The following HAS2 variants were observed in gnomAD, a reference collection of about 807,000 sequenced individuals.
HAS2 encodes HA synthase 2.
In HAS2, 16 loss-of-function variants were observed where a neutral mutation model predicts 51.6. The ratio of observed to expected loss-of-function variants is 0.31; its 90% confidence interval spans 0.21 to 0.47. The LOEUF (loss-of-function observed/expected upper bound fraction) is 0.47. Ranked by LOEUF, HAS2 falls within the 20% of genes least tolerant of loss-of-function variation. The pLI is 1.00. For synonymous variants in HAS2, 228 were observed against 235.5 expected (o/e 0.97, Z 0.29); for missense variants, 361 against 662.6 (o/e 0.54, Z 5.00).
chr8:121,613,963 A>G lies in HAS2; in HGVS notation c.*146T>C, dbSNP rs1005688167. The G allele has an allele frequency of 8.4e-7, 1 of 1,185,674 alleles. No individual in the cohort carries two copies. Among genetic ancestry groups the G allele is most frequent in the African/African-American group, 1.5e-5 (1 of 65,160 alleles). 73.4% of individuals were successfully genotyped at this position (1,185,674 alleles called of 1,614,324 possible). The stretch of plus-strand genomic sequence containing the variant: ...TGTATTGTTTTACTTTGGCAGAATG[A>G]AAATAAACCCATATAAATGTCTTTG... On this transcript the variant is annotated 3_prime_UTR_variant, in exon 4 of 4. Coordinates refer to ENST00000303924, the MANE Select transcript of HAS2 (RefSeq NM_005328.3).
chr8:121,612,354 A>C lies in HAS2; in HGVS notation c.*1755T>G, dbSNP rs1012157731. 6.6e-6 allele frequency: 1 copy of C among 152,174 alleles called. No individual in the cohort carries two copies. The highest frequency in any genetic ancestry group is 1.5e-5 in the Non-Finnish European group (1 of 68,024). The allele number at this position is 152,174 out of a possible 1,614,324, so 9.4% of individuals were successfully genotyped here. A position where few individuals can be genotyped will look rare whatever the true frequency, so the allele number is the denominator to read the frequency against. On this transcript the variant is annotated 3_prime_UTR_variant, in exon 4 of 4. Coordinates refer to ENST00000303924, the MANE Select transcript of HAS2 (RefSeq NM_005328.3). ...GTGTTTTGTTTTCCACAAGCTCTCC[A>C]ATCAGTGAGAGTCTTGAGTCTCAGA...
intron 2 of HAS2, among the ~76,000 whole-genome samples, chr8:121,619,977 T>G (rs1812753154): frequency 6.6e-6 from 1 of 152,026 alleles, no homozygotes; most frequent in East Asian, 1.9e-4. Flanking sequence ...GGAACCAAAT[T>G]TATGATGTTC....
chr8:121,622,855 A>G (rs1812791394), intron 2 of HAS2, among the ~76,000 whole-genome samples: 1 of 152,124 alleles, frequency 6.6e-6, no homozygotes, highest in Non-Finnish European at 1.5e-5. Context: ...AGCTAAGTTA[A>G]GCAGCCTCAA....
In HAS2 at chr8:121,628,784, T is replaced by G; in HGVS notation, c.557A>C (p.Lys186Thr). Reference protein sequence around the residue: ...LSNKSICIMQKWGGKREVMYT... With the variant: ...LSNKSICIMQTWGGKREVMYT... ...CATGACTTCTCTTTTTCCACCCCAT[T>G]TTTGCATGATGCAGATACTTTTGTT... is the stretch of plus-strand genomic sequence containing the variant. The change falls in exon 2 of 4, where the codon AAA (lysine) becomes ACA (threonine). Residue 186 changes from lysine to threonine, a missense_variant. Around this residue, in one of 5 missense-constraint regions of HAS2, gnomAD observed 49 missense variants for 108.3 expected, o/e 0.45. Transcript: ENST00000303924. 1 of 1,614,120 alleles carries G rather than the reference T, an allele frequency of 6.2e-7. No individual in the cohort carries two copies. The highest frequency in any genetic ancestry group is 8.5e-7 in the Non-Finnish European group (1 of 1,179,962).
rs1490336536 is a variant in HAS2, at chr8:121,641,148, C to CTTTTA, written c.-297_-296insTAAAA. 1 of 55,320 alleles carries CTTTTA rather than the reference C, an allele frequency of 1.8e-5. No individual in the cohort carries two copies. The highest frequency in any genetic ancestry group is 3.6e-5 in the Non-Finnish European group (1 of 28,126). 3.4% of individuals were successfully genotyped at this position (55,320 alleles called of 1,614,324 possible). On this transcript the variant is annotated 5_prime_UTR_variant, in exon 1 of 4. Transcript: ENST00000303924. ...AAAAATAAATTAACTTTTCTTTTTTCTTTTCTTTTCTTTTTTTTTTTTTTT... is the reference window on the plus strand; with the variant it reads ...AAAAATAAATTAACTTTTCTTTTTTCTTTTATTTTCTTTTCTTTTTTTTTTTTTTT...
intron 1 of HAS2, among the ~76,000 whole-genome samples, chr8:121,637,342 G>T (rs1429630277): frequency 6.6e-6 from 1 of 150,528 alleles, no homozygotes; most frequent in African/African-American, 2.5e-5. Flanking sequence ...TAGATGGTGG[G>T]AAAGGCAGTA....
At chr8:121,615,080 A>C (rs1459794627) in intron 3 of HAS2, 42 bp from the exon 4 acceptor site, 1 of 1,424,004 alleles carries the variant, frequency 7.0e-7, no homozygotes, top group Admixed American at 2.1e-5. Context: ...GCTTTAGCTA[A>C]AAATTCCAGC....
chr8:121,623,822 A>G (rs1272634845), intron 2 of HAS2, among the ~76,000 whole-genome samples: 1 of 152,228 alleles, frequency 6.6e-6, no homozygotes, highest in African/African-American at 2.4e-5. Flanking sequence ...AGATAAAAAT[A>G]AACTTACTAT....
At chr8:121,622,806 T>C (rs1345697463) in intron 2 of HAS2, among the ~76,000 whole-genome samples, 1 of 152,158 alleles carries the variant, frequency 6.6e-6, no homozygotes, top group East Asian at 1.9e-4. Flanking sequence ...TTTCTATTTA[T>C]GTGAATTCTA....
chr8:121,641,182 G>GTTTTCTTTTTTTTTTTTTTTTTT lies in HAS2; in HGVS notation c.-331_-330insAAAAAAAAAAAAAAAAAAGAAAA, dbSNP rs1240320617. The stretch of plus-strand genomic sequence containing the variant: ...TCTTTTTTTTTTTTTTTTTTTTTTG[G>GTTTTCTTTTTTTTTTTTTTTTTT]GCTTCAGTCTTTCTGCCCCCGATAA... On this transcript the variant is annotated 5_prime_UTR_variant, in exon 1 of 4. Coordinates refer to ENST00000303924, the MANE Select transcript of HAS2 (RefSeq NM_005328.3). 1 of 48,848 alleles carries GTTTTCTTTTTTTTTTTTTTTTTT rather than the reference G, an allele frequency of 2.0e-5. No individual in the cohort carries two copies. Among genetic ancestry groups the GTTTTCTTTTTTTTTTTTTTTTTT allele is most frequent in the African/African-American group, 8.5e-5 (1 of 11,720 alleles). The allele number at this position is 48,848 out of a possible 1,614,324, so 3.0% of individuals were successfully genotyped here. A position where few individuals can be genotyped will look rare whatever the true frequency, so the allele number is the denominator to read the frequency against.
At chr8:121,620,336 T>C (rs1463569887) in intron 2 of HAS2, among the ~76,000 whole-genome samples, 2 of 152,182 alleles carry the variant, frequency 1.3e-5, no homozygotes, top group African/African-American at 4.8e-5. Flanking sequence ...ATCTCCTCAC[T>C]CATCGGTAAC....
rs1294811974 is a variant in HAS2, at chr8:121,615,056, T to C, written c.730-18A>G. 6.4e-7 allele frequency: 1 copy of C among 1,570,198 alleles called. No individual in the cohort carries two copies. Among genetic ancestry groups the C allele is most frequent in the Non-Finnish European group, 8.7e-7 (1 of 1,153,590 alleles). ...TTTAAAATCTGCAAGAAGAAAAACA[T>C]AAGTAATAGGTAAGCTTTAGCTAAA... is the stretch of plus-strand genomic sequence containing the variant. On this transcript the variant is annotated intron_variant, in intron 3 of 3. Coordinates refer to ENST00000303924, the MANE Select transcript of HAS2 (RefSeq NM_005328.3).
intron 2 of HAS2, among the ~76,000 whole-genome samples, chr8:121,618,458 A>G (rs1028461648): frequency 6.6e-6 from 1 of 152,124 alleles, no homozygotes; most frequent in Non-Finnish European, 1.5e-5. Flanking sequence ...ACACTCACTA[A>G]TAAGATTAAG....
chr8:121,614,756 T>TA lies in HAS2; in HGVS notation c.1011dup (p.Thr338TyrfsTer2). 6.2e-7 allele frequency: 1 copy of TA among 1,614,222 alleles called. No homozygotes were observed. The highest frequency in any genetic ancestry group is 8.5e-7 in the Non-Finnish European group (1 of 1,180,034). Reference sequence around the variant, plus strand: ...CTGAGATATTCTATAGGTGTTTCAGTAAGGCACTTAGATCGAGCTGTGTAT... The same window carrying TA: ...CTGAGATATTCTATAGGTGTTTCAGTAAAGGCACTTAGATCGAGCTGTGTAT... On this transcript the variant is annotated frameshift_variant, in exon 4 of 4. Coordinates refer to ENST00000303924, the MANE Select transcript of HAS2 (RefSeq NM_005328.3). LOFTEE classifies it high-confidence loss of function. This position sits in a 1 kb window ranked among gnomAD's most constrained non-coding sequence, Gnocchi z 7.2.
At chr8:121,625,760 A>G (rs1217524322) in intron 2 of HAS2, among the ~76,000 whole-genome samples, 2 of 148,266 alleles carry the variant, frequency 1.3e-5, no homozygotes, top group Non-Finnish European at 3.0e-5. Context: ...GGCTTAAGCA[A>G]TCCTTCTGCC....
Position 121,613,403 on chromosome 8 carries a change from TAGAG to T in HAS2, c.*702_*705del, listed in dbSNP as rs1001182992. 1.3e-5 allele frequency: 2 copies of T among 152,492 alleles called. No individual in the cohort carries two copies. Among genetic ancestry groups the T allele is most frequent in the Admixed American group, 1.3e-4 (2 of 15,274 alleles). The allele number at this position is 152,492 out of a possible 1,614,324, so 9.4% of individuals were successfully genotyped here. The stretch of plus-strand genomic sequence containing the variant: ...AAATAAACTATTCAATTTTAAAAGG[TAGAG>T]AGAGAGAAACATTTTATTCTTTCTA... On this transcript the variant is annotated 3_prime_UTR_variant, in exon 4 of 4. Transcript: ENST00000303924.
At position 121,614,744 on chromosome 8, in the gene HAS2, T is replaced by C. The variant is rs1412872986; in HGVS notation, c.1024A>G (p.Ile342Val). ...TGGTTTAGCCATCTGAGATATTCTA[T>C]AGGTGTTTCAGTAAGGCACTTAGAT... Reference protein sequence around the residue: ...ARSKCLTETPIEYLRWLNQQT... With the variant: ...ARSKCLTETPVEYLRWLNQQT... The change falls in exon 4 of 4, where the codon ATA becomes GTA. Residue 342 changes from isoleucine (I) to valine (V), a missense_variant. Ile to Val is a conservative substitution (Grantham distance 29). Transcript: ENST00000303924. This position sits in a 1 kb window ranked among gnomAD's most constrained non-coding sequence, Gnocchi z 7.2. 8 of 1,614,124 alleles carry C rather than the reference T, an allele frequency of 5.0e-6. No individual in the cohort carries two copies. The highest frequency in any genetic ancestry group is 2.2e-5 in the East Asian group (1 of 44,902).
At chr8:121,621,446 A>G (rs929524010) in intron 2 of HAS2, among the ~76,000 whole-genome samples, 2 of 152,242 alleles carry the variant, frequency 1.3e-5, no homozygotes, top group African/African-American at 4.8e-5. Flanking sequence ...GACACTGCAA[A>G]TAAAAGTACC....
At chr8:121,638,265 A>T (rs1448343970) in intron 1 of HAS2, among the ~76,000 whole-genome samples, 7 of 152,250 alleles carry the variant, frequency 4.6e-5, no homozygotes, top group Non-Finnish European at 1.0e-4. Flanking sequence ...ACTTTCTAGT[A>T]ACAGTTTCTT....
Sources: gnomAD v4.1 joint callset for allele counts (sites outside exome capture counted in the v4.1 genomes callset) on GRCh38, gnomAD v4.1.1 for gene constraint, gnomAD v4.1.1 regional missense constraint, Gnocchi (gnomAD v3.1) non-coding constraint, MANE v1.5 for transcripts, NCBI Gene and HGNC (gene_info 2026-07-23, HGNC 2026-07-21) for gene names.